TENM1: variants seen among roughly 807,000 people sequenced by gnomAD.
The protein encoded by TENM1 is teneurin transmembrane protein 1, also known as teneurin-1.
In TENM1, 35 loss-of-function variants were observed where a neutral mutation model predicts 174.8. The observed-to-expected ratio is 0.20, with a 90% CI of 0.15 to 0.27. TENM1 has a LOEUF of 0.27. TENM1 is among the 10% of genes least tolerant of loss of function. The pLI is 1.00. For synonymous variants in TENM1, 781 were observed against 798.7 expected (o/e 0.98, Z 0.37); for missense variants, 1,633 against 2,130.1 (o/e 0.77, Z 4.59).
the TENM1 span, among the ~76,000 whole-genome samples, chrX:125,126,683 T>C: frequency 9.0e-6 from 1 of 110,862 alleles, no homozygotes; most frequent in Non-Finnish European, 1.9e-5. Context: ...TGTAATGGCA[T>C]GTCCCTAGCC....
intron 6 of TENM1, among the ~76,000 whole-genome samples, chrX:124,669,257 GA>G (rs1212592578): frequency 2.7e-5 from 3 of 111,605 alleles, no homozygotes; most frequent in Non-Finnish European, 5.6e-5. Flanking sequence ...TGAGGTTGGA[GA>G]GATAATGATG....
chrX:124,731,921 C>T (rs1406715371), intron 4 of TENM1, among the ~76,000 whole-genome samples: 2 of 111,739 alleles, frequency 1.8e-5, no homozygotes, highest in African/African-American at 6.5e-5. Flanking sequence ...CAGTGGCATG[C>T]ACAGAGATCT....
chrX:124,451,972 C>A (rs1483172601), intron 23 of TENM1, among the ~76,000 whole-genome samples: 1 of 112,028 alleles, frequency 8.9e-6, no homozygotes, highest in Non-Finnish European at 1.9e-5. Context: ...GCAAGGACTT[C>A]ATGTCTAAAA....
At chrX:124,465,008 T>C (rs969320923) in intron 22 of TENM1, among the ~76,000 whole-genome samples, 6 of 111,594 alleles carry the variant, frequency 5.4e-5, no homozygotes, top group Non-Finnish European at 1.1e-4. Context: ...ATCAGAGCTA[T>C]GAGAGGTGGA....
the TENM1 span, among the ~76,000 whole-genome samples, chrX:124,996,829 G>A: frequency 9.1e-6 from 1 of 110,415 alleles, no homozygotes; most frequent in Non-Finnish European, 1.9e-5. Flanking sequence ...TGCCCACTTG[G>A]CCATCATAAT....
rs747799702 is a variant in TENM1 at position 124,450,486 on chromosome X, G to A, written c.4104+2851C>T. The stretch of plus-strand genomic sequence containing the variant: ...ATTGTGAGGCCTCCCCCACCATGGA[G>A]AACTGTAAGTCCAATAAACCTCTTT... On this transcript the variant is annotated intron_variant, in intron 23 of 31. Transcript: ENST00000422452. Among the ~76,000 whole-genome samples, 23 of 111,943 alleles carry A rather than the reference G, an allele frequency of 2.1e-4. No individual in the cohort carries two copies. In the South Asian group the frequency reaches 3.0e-3, roughly 15 times the overall value.
At chrX:125,012,394 C>T in the TENM1 span, among the ~76,000 whole-genome samples, 1 of 111,767 alleles carries the variant, frequency 8.9e-6, no homozygotes, top group Admixed American at 9.5e-5. Flanking sequence ...CAGATTCTTA[C>T]CCACTTTCAA....
At chrX:124,667,234 G>C (rs2051790128) in intron 6 of TENM1, among the ~76,000 whole-genome samples, 1 of 111,517 alleles carries the variant, frequency 9.0e-6, no homozygotes. Context: ...CTAGGAATAA[G>C]TCTTTTATTT....
intron 3 of TENM1, among the ~76,000 whole-genome samples, chrX:124,750,862 A>C (rs1459597322): frequency 1.8e-5 from 2 of 112,348 alleles, no homozygotes; most frequent in East Asian, 5.6e-4. Context: ...GCAAACAATT[A>C]ATATAAAATG....
the TENM1 span, among the ~76,000 whole-genome samples, chrX:125,130,629 TTTTAAATTCAACTTTTAAGTCAGC>T: frequency 9.0e-6 from 1 of 111,253 alleles, no homozygotes; most frequent in African/African-American, 3.2e-5. Flanking sequence ...TAAAAGATAA[TTTTAAATTCAACTTTTAAGTCAGC>T]TTGACTTTAT....
chrX:124,986,247 C>T, the TENM1 span, among the ~76,000 whole-genome samples: 150 of 111,556 alleles, frequency 1.3e-3, no homozygotes, highest in Admixed American at 3.0e-3. Flanking sequence ...AGCATATACA[C>T]TTGAACTGTT....
chrX:124,496,900 G>C, intron 20 of TENM1, 116 bp downstream of exon 23: 1 of 754,568 alleles, frequency 1.3e-6, no homozygotes, highest in Non-Finnish European at 1.9e-6. Flanking sequence ...TTAACTCAGT[G>C]CTACAATAGG....
At chrX:124,481,428 T>C (rs192496862) in intron 22 of TENM1, among the ~76,000 whole-genome samples, 1 of 110,389 alleles carries the variant, frequency 9.1e-6, no homozygotes, top group East Asian at 2.9e-4. Context: ...CTGGGGTGGG[T>C]TGTGGTGCCA....
At chrX:124,623,942 T>C (rs907347625) in intron 11 of TENM1, among the ~76,000 whole-genome samples, 7 of 111,883 alleles carry the variant, frequency 6.3e-5, no homozygotes, top group Non-Finnish European at 9.4e-5. Flanking sequence ...CATTCATTGA[T>C]ATAACATTTT....
chrX:125,030,903 T>C, the TENM1 span, among the ~76,000 whole-genome samples: 14 of 111,878 alleles, frequency 1.3e-4, no homozygotes, highest in Admixed American at 1.3e-3. Context: ...TATATTCCTA[T>C]AAACGTTTAA....
At chrX:124,954,914 A>T (rs2058547024) in intron 1 of TENM1, among the ~76,000 whole-genome samples, 1 of 111,699 alleles carries the variant, frequency 9.0e-6, no homozygotes, top group Admixed American at 9.5e-5. Context: ...CTTGATTCAC[A>T]CTTTCAGCAC....
intron 11 of TENM1, among the ~76,000 whole-genome samples, chrX:124,573,295 C>T (rs1174164002): frequency 9.0e-6 from 1 of 111,167 alleles, no homozygotes; most frequent in Non-Finnish European, 1.9e-5. Context: ...TGGATATATA[C>T]ATATTTGGAA....
At chrX:124,534,742 T>C (rs2048173574) in intron 15 of TENM1, among the ~76,000 whole-genome samples, 1 of 111,209 alleles carries the variant, frequency 9.0e-6, no homozygotes, top group African/African-American at 3.3e-5. Context: ...ACAGCTCTGG[T>C]CAAAAGGTAG....
chrX:124,632,064 C>T (rs1407073328), intron 11 of TENM1, among the ~76,000 whole-genome samples: 1 of 106,744 alleles, frequency 9.4e-6, no homozygotes, highest in African/African-American at 3.4e-5. Flanking sequence ...AGGAGCATGC[C>T]GCCACACTCA....
Sources: allele counts gnomAD v4.1 joint callset (sites outside exome capture counted in the v4.1 genomes callset), GRCh38; gene constraint gnomAD v4.1.1; transcripts MANE v1.5; gene names NCBI Gene and HGNC (gene_info 2026-07-23, HGNC 2026-07-21).